The following STK3 variants were observed in gnomAD, a reference collection of about 807,000 sequenced individuals.
STK3 encodes serine/threonine-protein kinase 3.
A neutral mutation model predicts 58.0 loss-of-function variants in STK3; 41 were observed. That is an observed-to-expected ratio of 0.71 (90% CI 0.55 to 0.92). The LOEUF is 0.92. Ranked by LOEUF, STK3 falls within the 40% of genes least tolerant of loss-of-function variation. The pLI is 0.00. For synonymous variants in STK3, 170 were observed against 191.0 expected (o/e 0.89, Z 0.91); for missense variants, 479 against 602.7 (o/e 0.79, Z 2.15).
chr8:98,653,042 C>T (rs1005748903), intron 6 of STK3, among the ~76,000 whole-genome samples: 1 of 152,200 alleles, frequency 6.6e-6, no homozygotes, highest in African/African-American at 2.4e-5. Context: ...TCTTTCAGCA[C>T]CACACCACAC....
At chr8:98,912,251 C>T (rs1196096202) in intron 1 of STK3, among the ~76,000 whole-genome samples, 1 of 152,064 alleles carries the variant, frequency 6.6e-6, no homozygotes, top group Non-Finnish European at 1.5e-5. Flanking sequence ...TGGTGGCGCA[C>T]GCCTGTAATC....
chr8:98,434,726 A>G (rs1818423926), intron 2 of STK3, among the ~76,000 whole-genome samples: 1 of 152,184 alleles, frequency 6.6e-6, no homozygotes, highest in Admixed American at 6.5e-5. Flanking sequence ...AGAAGGGGAG[A>G]AGAAGGCTGG....
At chr8:98,574,625 A>G (rs941004453) in intron 8 of STK3, among the ~76,000 whole-genome samples, 3 of 152,190 alleles carry the variant, frequency 2.0e-5, no homozygotes, top group African/African-American at 7.2e-5. Flanking sequence ...GAGACCCACA[A>G]AGTGTTTTTG....
intron 3 of STK3, among the ~76,000 whole-genome samples, chr8:98,406,260 ATTTTATTTTATTTTATTTTATTTTAT>A (rs1817992040): frequency 6.8e-6 from 1 of 146,694 alleles, no homozygotes; most frequent in Non-Finnish European, 1.5e-5. Flanking sequence ...ATTTTATTTT[ATTTTATTTTATTTTATTTTATTTTAT>A]TTTATGTTAT....
chr8:98,853,379 A>G (rs1836548570), intron 3 of STK3, among the ~76,000 whole-genome samples: 1 of 152,176 alleles, frequency 6.6e-6, no homozygotes, highest in Admixed American at 6.6e-5. Flanking sequence ...TTGGTTCAGT[A>G]CCAGGGAGTG....
intron 2 of STK3, among the ~76,000 whole-genome samples, chr8:98,771,726 G>A (rs1026241400): frequency 2.0e-5 from 3 of 151,862 alleles, no homozygotes; most frequent in African/African-American, 4.8e-5. Flanking sequence ...CACCACGCCC[G>A]GCTAATTTTT....
At chr8:98,789,604 T>C (rs1204432681) in intron 1 of STK3, among the ~76,000 whole-genome samples, 1 of 151,910 alleles carries the variant, frequency 6.6e-6, no homozygotes, top group African/African-American at 2.4e-5. Context: ...ATACAAAAGA[T>C]CATTCAAGGC....
In STK3 at chr8:98,900,238, G is replaced by A. The variant is rs140327912; in HGVS notation, c.-78-16404C>T. Among the ~76,000 whole-genome samples, 12 of 151,890 alleles carry A rather than the reference G, an allele frequency of 7.9e-5. No individual in the cohort carries two copies. The South Asian group carries it at 1.9e-3, about 24-fold the overall frequency. On this transcript the variant is annotated intron_variant, in intron 1 of 1. Transcript: ENST00000519420. ...ATTACAGGCGCCCGCCACTACACCC[G>A]GCTAATTTTTGTTTTTTTAGTAGAG... is the stretch of plus-strand genomic sequence containing the variant.
intron 3 of STK3, among the ~76,000 whole-genome samples, chr8:98,403,217 G>A (rs1371212743): frequency 6.6e-6 from 1 of 152,214 alleles, no homozygotes; most frequent in African/African-American, 2.4e-5. Context: ...GCGTTTAGAA[G>A]TTAGGCTGTG....
At chr8:98,485,951 G>A (rs1299204491) in intron 10 of STK3, among the ~76,000 whole-genome samples, 2 of 152,178 alleles carry the variant, frequency 1.3e-5, no homozygotes, top group African/African-American at 2.4e-5. Context: ...GGCAGAGTAC[G>A]ACCCATGACA....
At chr8:98,820,966 A>G (rs767246006) in intron 1 of STK3, among the ~76,000 whole-genome samples, 1 of 152,156 alleles carries the variant, frequency 6.6e-6, no homozygotes, top group Non-Finnish European at 1.5e-5. Flanking sequence ...CAACAGAGCA[A>G]GATTCCACCT....
At chr8:98,583,985 T>C (rs1814190562) in intron 7 of STK3, among the ~76,000 whole-genome samples, 1 of 152,132 alleles carries the variant, frequency 6.6e-6, no homozygotes, top group Non-Finnish European at 1.5e-5. Flanking sequence ...CTAAACCTTC[T>C]CTCTGTAGGG....
chr8:98,826,563 C>G (rs967009748), upstream of STK3, among the ~76,000 whole-genome samples: 14 of 152,208 alleles, frequency 9.2e-5, no homozygotes, highest in Non-Finnish European at 1.8e-4. Context: ...TTTGTTTCCT[C>G]CCCTCTTTGG....
chr8:98,689,625 A>T (rs949070138), intron 6 of STK3, among the ~76,000 whole-genome samples: 4 of 152,008 alleles, frequency 2.6e-5, no homozygotes, highest in Admixed American at 6.6e-5. Context: ...TCCAAAAAAA[A>T]TTTTTTAATT....
At chr8:98,647,523 A>T (rs1820490882) in intron 6 of STK3, among the ~76,000 whole-genome samples, 1 of 152,200 alleles carries the variant, frequency 6.6e-6, no homozygotes, top group African/African-American at 2.4e-5. Context: ...ACTATCTTAA[A>T]ATACAATAAA....
intron 3 of STK3, among the ~76,000 whole-genome samples, chr8:98,851,061 C>T (rs944318296): frequency 3.3e-5 from 5 of 152,108 alleles, no homozygotes; most frequent in African/African-American, 1.2e-4. Context: ...AAGTGATCTT[C>T]ATATAGCTAA....
chr8:98,837,186 A>T (rs1203163636), intron 3 of STK3, among the ~76,000 whole-genome samples: 2 of 152,200 alleles, frequency 1.3e-5, no homozygotes, highest in African/African-American at 2.4e-5. Flanking sequence ...AAGACCTATG[A>T]AGGGAAAATA....
chr8:98,547,018 A>C (rs1386873463), intron 9 of STK3, among the ~76,000 whole-genome samples: 2 of 152,166 alleles, frequency 1.3e-5, no homozygotes, highest in African/African-American at 4.8e-5. Flanking sequence ...AAGGAAATGG[A>C]AGTATCTGAG....
At chr8:98,767,470 A>G in intron 2 of STK3, 99 bp from the exon 3 acceptor site, 1 of 1,113,644 alleles carries the variant, frequency 9.0e-7, no homozygotes, top group Non-Finnish European at 1.2e-6. Context: ...TTTCTAGTTT[A>G]AAACACTATT....
Sources: gnomAD v4.1 joint callset for allele counts (sites outside exome capture counted in the v4.1 genomes callset) on GRCh38, gnomAD v4.1.1 for gene constraint, MANE v1.5 for transcripts, NCBI Gene and HGNC (gene_info 2026-07-23, HGNC 2026-07-21) for gene names.